Variants in GRIA4 observed in about 807,000 individuals in gnomAD.
GRIA4 encodes glutamate receptor 4.
A neutral mutation model predicts 104.0 loss-of-function variants in GRIA4; 34 were observed. That is an observed-to-expected ratio of 0.33 (90% CI 0.25 to 0.44). GRIA4 has a LOEUF of 0.44. Ranked by LOEUF, GRIA4 falls within the 20% of genes least tolerant of loss-of-function variation. The pLI is 1.00. For missense variants in GRIA4, 750 were observed against 1,096.5 expected, an observed-to-expected ratio of 0.68 and a Z score of 4.46; for synonymous variants, 386 against 381.9, an observed-to-expected ratio of 1.01 and a Z score of -0.13.
chr11:105,765,194 T>C (rs1203234484), intron 4 of GRIA4, among the ~76,000 whole-genome samples: 1 of 152,176 alleles, frequency 6.6e-6, no homozygotes, highest in Non-Finnish European at 1.5e-5. Context: ...ATTATGCAGC[T>C]AAACTCAGTA....
intron 13 of GRIA4, among the ~76,000 whole-genome samples, chr11:105,930,209 A>G (rs995317273): frequency 6.6e-6 from 1 of 152,114 alleles, no homozygotes. Flanking sequence ...ACTCTCTTGC[A>G]GTCACAGATA....
chr11:105,691,469 C>G (rs1014565715), intron 3 of GRIA4, among the ~76,000 whole-genome samples: 1 of 152,128 alleles, frequency 6.6e-6, no homozygotes, highest in Non-Finnish European at 1.5e-5. Flanking sequence ...ATAAAGGTAT[C>G]TGGATAATAA....
chr11:105,794,445 G>C (rs75591708), intron 4 of GRIA4, among the ~76,000 whole-genome samples: 59,393 of 104,280 alleles, frequency 0.57, 17,790 homozygotes, highest in Non-Finnish European at 0.61. Flanking sequence ...GTGTGTGTGT[G>C]TGTGTGTCTG....
At chr11:105,932,238 G>A (rs2136208931) in intron 13 of GRIA4, among the ~76,000 whole-genome samples, 1 of 152,036 alleles carries the variant, frequency 6.6e-6, no homozygotes, top group South Asian at 2.1e-4. Flanking sequence ...TCCCAGGTCT[G>A]AGCAATTCTC....
At chr11:105,642,700 A>G (rs1053853826) in intron 3 of GRIA4, among the ~76,000 whole-genome samples, 10 of 152,164 alleles carry the variant, frequency 6.6e-5, no homozygotes, top group African/African-American at 1.9e-4. Flanking sequence ...ATTAATACCA[A>G]ATAAGTTTGC....
intron 3 of GRIA4, among the ~76,000 whole-genome samples, chr11:105,664,101 AG>A (rs2135418886): frequency 6.8e-6 from 1 of 147,274 alleles, no homozygotes; most frequent in Admixed American, 7.0e-5. Flanking sequence ...TTGAGTATCT[AG>A]TATGTGTGAT....
chr11:105,973,981 C>T (rs1420367239), intron 15 of GRIA4, among the ~76,000 whole-genome samples: 1 of 152,078 alleles, frequency 6.6e-6, no homozygotes, highest in East Asian at 1.9e-4. Flanking sequence ...TAATAATAAG[C>T]CCATTTCTGC....
intron 4 of GRIA4, chr11:105,824,613 C>T (rs1460982427): frequency 6.6e-6 from 1 of 152,042 alleles, no homozygotes; most frequent in Non-Finnish European, 1.5e-5. Flanking sequence ...TTAATAATTG[C>T]CTCACAGAAT....
chr11:105,969,940 A>C (rs1439842971), intron 14 of GRIA4, among the ~76,000 whole-genome samples: 2 of 152,168 alleles, frequency 1.3e-5, no homozygotes, highest in African/African-American at 4.8e-5. Flanking sequence ...GGTCACTAGC[A>C]AACCCACAGT....
intron 3 of GRIA4, among the ~76,000 whole-genome samples, chr11:105,621,739 A>G (rs1425112367): frequency 1.3e-5 from 2 of 151,818 alleles, no homozygotes; most frequent in African/African-American, 4.8e-5. Context: ...TAAAATTGCT[A>G]TATCAAATAA....
At chr11:105,696,151 TG>T (rs890331038) in intron 3 of GRIA4, among the ~76,000 whole-genome samples, 1 of 152,158 alleles carries the variant, frequency 6.6e-6, no homozygotes, top group Non-Finnish European at 1.5e-5. Context: ...TCATCTTCCT[TG>T]GGTTCAGTAC....
chr11:105,676,176 T>A (rs1409992396), intron 3 of GRIA4, among the ~76,000 whole-genome samples: 3 of 151,776 alleles, frequency 2.0e-5, no homozygotes, highest in Non-Finnish European at 4.4e-5. Flanking sequence ...GATTAGTGCT[T>A]ACACTGCTGA....
chr11:105,881,837 T>G (rs1946073688), intron 5 of GRIA4, among the ~76,000 whole-genome samples: 1 of 152,096 alleles, frequency 6.6e-6, no homozygotes, highest in Non-Finnish European at 1.5e-5. Context: ...AAATCTCATC[T>G]CACACAAAAC....
chr11:105,870,653 G>C (rs75440650), intron 5 of GRIA4, among the ~76,000 whole-genome samples: 13,092 of 152,100 alleles, frequency 0.086, 640 homozygotes, highest in Non-Finnish European at 0.12. Flanking sequence ...TGAGAACAGG[G>C]TAATAGGAGA....
chr11:105,797,881 G>C, intron 4 of GRIA4: 1 of 432,694 alleles, frequency 2.3e-6, no homozygotes, highest in Non-Finnish European at 4.6e-6. Context: ...TTACTTGATT[G>C]CTGATTCAAA....
At chr11:105,959,886 A>C (rs1948690916) in intron 14 of GRIA4, among the ~76,000 whole-genome samples, 1 of 152,082 alleles carries the variant, frequency 6.6e-6, no homozygotes, top group South Asian at 2.1e-4. Flanking sequence ...GGGCTGCTGC[A>C]GTTTGCTGGA....
intron 14 of GRIA4, among the ~76,000 whole-genome samples, chr11:105,967,727 G>T (rs933664046): frequency 6.8e-6 from 1 of 148,034 alleles, no homozygotes. Flanking sequence ...AATCCACGTA[G>T]GTTGTTATTG....
intron 5 of GRIA4, among the ~76,000 whole-genome samples, chr11:105,868,863 AG>A (rs1945519466): frequency 6.6e-6 from 1 of 152,158 alleles, no homozygotes; most frequent in South Asian, 2.1e-4. Context: ...TTGCTCAATC[AG>A]GATCTACAAC....
At chr11:105,976,537 T>C (rs1147065) in intron 16 of GRIA4, among the ~76,000 whole-genome samples, 97,972 of 151,742 alleles carry the variant, frequency 0.65, 31,675 homozygotes, top group Middle Eastern at 0.72. Flanking sequence ...CAGTGGCATT[T>C]GGGATAAATG....
Sources: allele counts gnomAD v4.1 joint callset (sites outside exome capture counted in the v4.1 genomes callset), GRCh38; gene constraint gnomAD v4.1.1; transcripts MANE v1.5; gene names NCBI Gene and HGNC (gene_info 2026-07-23, HGNC 2026-07-21).